Variants in TSGA10 observed in about 807,000 individuals in gnomAD.
TSGA10 encodes testis-specific gene 10 protein.
A neutral mutation model predicts 96.6 loss-of-function variants in TSGA10; 43 were observed. The ratio of observed to expected loss-of-function variants is 0.44; its 90% CI spans 0.35 to 0.57. The LOEUF (loss-of-function observed/expected upper bound fraction) is 0.57, where lower values mean the gene tolerates loss of function less well. Among genes scored for constraint, TSGA10 ranks in the 20% least tolerant of loss-of-function variants. The pLI is 0.01. For missense variants in TSGA10, 703 were observed against 834.4 expected, an observed-to-expected ratio of 0.84 and a Z score of 1.94; for synonymous variants, 229 against 269.9, an observed-to-expected ratio of 0.85 and a Z score of 1.48.
At chr2:99,107,457 T>A (rs984038637) in intron 7 of TSGA10, among the ~76,000 whole-genome samples, 3 of 148,422 alleles carry the variant, frequency 2.0e-5, no homozygotes, top group African/African-American at 7.4e-5. Context: ...TGCCTGCCTT[T>A]AAAAAAAAAA....
At chr2:99,065,267 T>A in intron 15 of TSGA10, 143 bp from the exon 16 acceptor site, 2 of 876,818 alleles carry the variant, frequency 2.3e-6, no homozygotes, top group Non-Finnish European at 3.3e-6. Context: ...TACTCTTAGT[T>A]TAGAAAACAG....
chr2:99,048,337 A>G (rs1282856298), intron 16 of TSGA10, among the ~76,000 whole-genome samples: 1 of 152,246 alleles, frequency 6.6e-6, no homozygotes, highest in Non-Finnish European at 1.5e-5. Flanking sequence ...ACAAGGCTAC[A>G]GTAACCAAAA....
intron 1 of TSGA10, among the ~76,000 whole-genome samples, chr2:99,140,481 G>C (rs1022826607): frequency 5.8e-5 from 8 of 137,946 alleles, no homozygotes; most frequent in Admixed American, 2.2e-4. Flanking sequence ...CCGAAGCTGC[G>C]AAAAAAAAAA....
intron 10 of TSGA10, among the ~76,000 whole-genome samples, chr2:99,092,333 G>A (rs572962863): frequency 1.3e-5 from 2 of 152,188 alleles, no homozygotes; most frequent in East Asian, 3.9e-4. Context: ...CAAAAAGTCT[G>A]AAAGAGCACA....
intron 1 of TSGA10, among the ~76,000 whole-genome samples, chr2:99,127,721 AC>A (rs1412741693): frequency 1.3e-5 from 2 of 151,994 alleles, no homozygotes; most frequent in Non-Finnish European, 2.9e-5. Flanking sequence ...ACACTGAGAT[AC>A]CCCCTTTTAA....
At chr2:99,055,312 A>T (rs1344618536) in intron 16 of TSGA10, among the ~76,000 whole-genome samples, 1 of 152,174 alleles carries the variant, frequency 6.6e-6, no homozygotes, top group Non-Finnish European at 1.5e-5. Context: ...AGTTGAGCTC[A>T]TAGAAGCAGA....
chr2:99,042,500 G>A (rs963934308), intron 16 of TSGA10, among the ~76,000 whole-genome samples: 2 of 152,082 alleles, frequency 1.3e-5, no homozygotes, highest in African/African-American at 2.4e-5. Context: ...GCTGCTCTTT[G>A]GCCACTGTGT....
chr2:99,026,419 CT>C (rs35171031), intron 17 of TSGA10, among the ~76,000 whole-genome samples: 1,854 of 144,986 alleles, frequency 0.013, 9 homozygotes, highest in Middle Eastern at 0.028. Context: ...CTTAGTAGCT[CT>C]TTTTTTTTTT....
intron 16 of TSGA10, among the ~76,000 whole-genome samples, chr2:99,038,878 A>G (rs2081921432): frequency 6.6e-6 from 1 of 152,168 alleles, no homozygotes; most frequent in Non-Finnish European, 1.5e-5. Flanking sequence ...AAAACAGACC[A>G]TATGATAGGC....
chr2:99,000,384 C>G (rs566417822), intron 20 of TSGA10, among the ~76,000 whole-genome samples: 1 of 151,946 alleles, frequency 6.6e-6, no homozygotes, highest in South Asian at 2.1e-4. Context: ...TGATGGACAC[C>G]TGTAATCTCA....
At chr2:99,102,736 A>C (rs997161361) in intron 10 of TSGA10, 195 of 1,607,508 alleles carry the variant, frequency 1.2e-4, no homozygotes, top group Non-Finnish European at 1.5e-4. Context: ...GTAGAAGATG[A>C]TACCACACAT....
chr2:99,131,594 A>G lies in TSGA10; in HGVS notation c.-620-4418T>C, dbSNP rs180811379. ...GAGACAATTTGACTCCTCTCTTCCT[A>G]TTTGAATACCCCTTATTTCTTTCTC... On this transcript the variant is annotated intron_variant, in intron 1 of 20. Coordinates refer to ENST00000393483, the MANE Select transcript of TSGA10 (RefSeq NM_025244.4). Among the ~76,000 whole-genome samples, 377 of 152,218 alleles carry G rather than the reference A, an allele frequency of 2.5e-3. 3 individuals carry two copies. Among genetic ancestry groups the G allele is most frequent in the African/African-American group, 8.4e-3 (351 of 41,546 alleles).
chr2:99,018,051 A>G (rs1369014858), intron 20 of TSGA10, 149 bp downstream of exon 20: 1 of 620,462 alleles, frequency 1.6e-6, no homozygotes, highest in African/African-American at 1.9e-5. Context: ...AATTATCAAA[A>G]TCCTGTATTT....
intron 17 of TSGA10, among the ~76,000 whole-genome samples, chr2:99,030,239 C>T (rs954035346): frequency 4.6e-5 from 7 of 152,038 alleles, no homozygotes; most frequent in African/African-American, 7.2e-5. Flanking sequence ...CCCAGCTACT[C>T]GGGAGGTTGA....
chr2:99,112,891 A>G (rs2091936984), intron 4 of TSGA10, among the ~76,000 whole-genome samples: 1 of 145,136 alleles, frequency 6.9e-6, no homozygotes, highest in African/African-American at 2.5e-5. Flanking sequence ...ACAAACAAAG[A>G]CTTTACACAA....
At chr2:99,141,119 G>T in intron 1 of TSGA10, 6 of 1,284,146 alleles carry the variant, frequency 4.7e-6, no homozygotes, top group Non-Finnish European at 6.1e-6. Flanking sequence ...TCCTCGGCCC[G>T]CCGTCCTGCC....
chr2:99,024,388 G>A (rs902442210), intron 17 of TSGA10, among the ~76,000 whole-genome samples: 2 of 151,824 alleles, frequency 1.3e-5, no homozygotes, highest in Non-Finnish European at 2.9e-5. Flanking sequence ...GCGTCTGGCC[G>A]TATTTGTCCT....
Position 99,018,263 on chromosome 2 carries a change from C to T in TSGA10, c.2009G>A (p.Cys670Tyr). 1 of 1,614,002 alleles carries T rather than the reference C, an allele frequency of 6.2e-7. No individual in the cohort carries two copies. The highest frequency in any genetic ancestry group is 8.5e-7 in the Non-Finnish European group (1 of 1,179,982). ...ATGGTGAGCACGTTCTGGTGAATGACATTTTGTATTTGGCTTCATTGTAGA... is the reference window on the plus strand; with the variant it reads ...ATGGTGAGCACGTTCTGGTGAATGATATTTTGTATTTGGCTTCATTGTAGA... ...MSSTMKPNTK[C>Y]HSPERAHHRS... The change falls in exon 20 of 21, where the codon TGT becomes TAT. Residue 670 changes from cysteine (C) to tyrosine (Y), a missense_variant. Cys to Tyr is a radical substitution (Grantham distance 194). Around this residue, in one of 3 missense-constraint regions of TSGA10, gnomAD observed 69 missense variants for 81.3 expected, o/e 0.85. Coordinates refer to ENST00000393483, the MANE Select transcript of TSGA10 (RefSeq NM_025244.4).
intron 20 of TSGA10, among the ~76,000 whole-genome samples, chr2:99,015,141 G>GA (rs1209908987): frequency 5.3e-5 from 8 of 152,152 alleles, no homozygotes; most frequent in African/African-American, 1.9e-4. Context: ...ATCATCCTAT[G>GA]AAGCCAGTAT....
Sources: allele counts gnomAD v4.1 joint callset (sites outside exome capture counted in the v4.1 genomes callset), GRCh38; gene constraint gnomAD v4.1.1; regional missense constraint gnomAD v4.1.1; transcripts MANE v1.5; gene names NCBI Gene and HGNC (gene_info 2026-07-23, HGNC 2026-07-21).